Variants in PYGO1 observed in about 807,000 individuals in gnomAD.
PYGO1 encodes the protein pygopus family PHD finger 1, also known as pygopus homolog 1.
In PYGO1, 6 loss-of-function variants were observed where a neutral mutation model predicts 29.5. That is an observed-to-expected ratio of 0.20 (90% CI 0.11 to 0.40). The LOEUF is 0.40. Among genes scored for constraint, PYGO1 ranks in the 10% least tolerant of loss-of-function variants. The probability of loss-of-function intolerance (pLI) is 1.00; values close to 1 mark genes in which losing one functional copy is unlikely to be tolerated. For synonymous variants in PYGO1, 186 were observed against 180.5 expected (o/e 1.03, Z -0.24); for missense variants, 515 against 514.9 (o/e 1.00, Z 0.00).
intron 1 of PYGO1, among the ~76,000 whole-genome samples, chr15:55,575,823 T>C (rs537809529): frequency 2.0e-5 from 3 of 152,178 alleles, no homozygotes; most frequent in Admixed American, 6.5e-5. Context: ...CCCAGAGGTA[T>C]TAATACCAGC....
rs764284876 is a variant in PYGO1 at position 55,546,273 on chromosome 15, G to A, written c.1010C>T (p.Ser337Phe). ...LHPNRHGHSS[S>F]DPVYPCGICT... ...AATTCCACAAGGATACACTGGGTCAGAAGACGAATGGCCATGACGGTTTGG... is the reference window on the plus strand; with the variant it reads ...AATTCCACAAGGATACACTGGGTCAAAAGACGAATGGCCATGACGGTTTGG... Residue 337 changes from serine to phenylalanine, a missense_variant, in exon 3 of 3, where the codon TCT (serine) becomes TTT (phenylalanine). Coordinates refer to ENST00000563719, the MANE Select transcript of PYGO1 (RefSeq NM_001367806.1). 2 of 1,614,198 alleles carry A rather than the reference G, an allele frequency of 1.2e-6. No homozygotes were observed. The highest frequency in any genetic ancestry group is 1.7e-6 in the Non-Finnish European group (2 of 1,180,038).
chr15:55,582,216 A>AAAT (rs1416059119), intron 1 of PYGO1, among the ~76,000 whole-genome samples: 1 of 151,432 alleles, frequency 6.6e-6, no homozygotes, highest in Non-Finnish European at 1.5e-5. Context: ...CAAAAAAAAA[A>AAAT]AAAAAAAAAT....
chr15:55,563,478 T>C (rs190777547), intron 1 of PYGO1, among the ~76,000 whole-genome samples: 7 of 151,666 alleles, frequency 4.6e-5, no homozygotes, highest in Admixed American at 1.3e-4. Flanking sequence ...GTGATTCTCC[T>C]GCCTTAGCCT....
At chr15:55,576,296 AAT>A (rs1388663006) in intron 1 of PYGO1, among the ~76,000 whole-genome samples, 4 of 149,070 alleles carry the variant, frequency 2.7e-5, no homozygotes, top group African/African-American at 1.0e-4. Context: ...CTCTACTAAA[AAT>A]ACAAAAAATT....
chr15:55,582,904 C>T (rs1362043314), intron 1 of PYGO1, among the ~76,000 whole-genome samples: 3 of 152,116 alleles, frequency 2.0e-5, no homozygotes, highest in Non-Finnish European at 4.4e-5. Context: ...AATCCAAATC[C>T]TCTATATTCA....
chr15:55,551,984 T>G (rs745528301), intron 1 of PYGO1, among the ~76,000 whole-genome samples: 1 of 151,978 alleles, frequency 6.6e-6, no homozygotes, highest in South Asian at 2.1e-4. Flanking sequence ...AAGAGAAATA[T>G]ACATGATCAT....
intron 1 of PYGO1, among the ~76,000 whole-genome samples, chr15:55,565,851 G>A (rs141422032): frequency 2.0e-4 from 30 of 152,248 alleles, no homozygotes; most frequent in African/African-American, 6.0e-4. Context: ...GGCACATGTT[G>A]GTTCACTGCA....
intron 1 of PYGO1, among the ~76,000 whole-genome samples, chr15:55,576,806 C>T (rs1161056709): frequency 5.1e-5 from 7 of 138,192 alleles, no homozygotes; most frequent in Non-Finnish European, 1.5e-5. Context: ...AGTCTTGTTC[C>T]ATCATCTTAA....
chr15:55,567,112 A>G (rs1291732325), intron 1 of PYGO1, among the ~76,000 whole-genome samples: 2 of 142,106 alleles, frequency 1.4e-5, no homozygotes, highest in Non-Finnish European at 3.0e-5. Context: ...CATTTCTCTG[A>G]TTAGTGATGA....
chr15:55,585,755 G>A (rs1403099595), intron 1 of PYGO1, among the ~76,000 whole-genome samples: 1 of 152,036 alleles, frequency 6.6e-6, no homozygotes, highest in Non-Finnish European at 1.5e-5. Flanking sequence ...AATTTGATTA[G>A]GACTGATAAT....
In PYGO1 at chr15:55,546,751, G is replaced by T; in HGVS notation, c.532C>A (p.Gln178Lys). 3 of 1,614,056 alleles carry T rather than the reference G, an allele frequency of 1.9e-6. No individual in the cohort carries two copies. The highest frequency in any genetic ancestry group is 2.5e-6 in the Non-Finnish European group (3 of 1,179,940). The stretch of plus-strand genomic sequence containing the variant: ...TGACTGAAATTTTCAGCAGGATTTT[G>T]TCTAAAATGTTGATTAGGCATGTTG... ...NVNMPNQHFR[Q>K]NPAENFSQIP... Residue 178 changes from glutamine to lysine, a missense_variant, in exon 3 of 3, where the codon CAA becomes AAA. Gln to Lys is a moderately conservative substitution (Grantham distance 53). Coordinates refer to ENST00000563719, the MANE Select transcript of PYGO1 (RefSeq NM_001367806.1).
intron 1 of PYGO1, among the ~76,000 whole-genome samples, chr15:55,585,324 A>G (rs1262986502): frequency 1.3e-5 from 2 of 152,220 alleles, no homozygotes; most frequent in Non-Finnish European, 2.9e-5. Context: ...ACATCAGCAG[A>G]TGGGAAACAG....
At chr15:55,576,896 T>C (rs2141674045) in intron 1 of PYGO1, among the ~76,000 whole-genome samples, 1 of 151,632 alleles carries the variant, frequency 6.6e-6, no homozygotes, top group South Asian at 2.1e-4. Context: ...GAAAGTAAAA[T>C]AAACCTTAGA....
At position 55,545,887 on chromosome 15, in the gene PYGO1, GAAGT is replaced by G; in HGVS notation, c.*132_*135del. On this transcript the variant is annotated 3_prime_UTR_variant, in exon 3 of 3. Transcript: ENST00000563719. ...ACAATAAAAAATTTGCTCTAGTGAT[GAAGT>G]GATTAATAAAAACTAAGTAAATAAT... is the stretch of plus-strand genomic sequence containing the variant. 1 of 1,009,668 alleles carries G rather than the reference GAAGT, an allele frequency of 9.9e-7. No individual in the cohort carries two copies. The highest frequency in any genetic ancestry group is 1.6e-5 in the African/African-American group (1 of 61,338). 62.5% of individuals were successfully genotyped at this position (1,009,668 alleles called of 1,614,324 possible). A position where few individuals can be genotyped will look rare whatever the true frequency, so the allele number is the denominator to read the frequency against.
At chr15:55,552,333 C>T (rs1037194421) in intron 1 of PYGO1, among the ~76,000 whole-genome samples, 1 of 141,274 alleles carries the variant, frequency 7.1e-6, no homozygotes, top group African/African-American at 2.7e-5. Flanking sequence ...TGCACTCCAG[C>T]CTGGGCAAAA....
intron 1 of PYGO1, among the ~76,000 whole-genome samples, chr15:55,551,519 G>A (rs559225473): frequency 6.6e-5 from 10 of 152,250 alleles, no homozygotes; most frequent in East Asian, 3.9e-4. Flanking sequence ...AGATGTGGCC[G>A]AGTGTGGTGG....
At chr15:55,576,500 G>T (rs1376503062) in intron 1 of PYGO1, among the ~76,000 whole-genome samples, 1 of 146,402 alleles carries the variant, frequency 6.8e-6, no homozygotes, top group Non-Finnish European at 1.5e-5. Context: ...GCCGGGCATG[G>T]TGGCTCATGC....
intron 1 of PYGO1, among the ~76,000 whole-genome samples, chr15:55,552,347 C>T (rs1159860875): frequency 8.6e-6 from 1 of 116,880 alleles, no homozygotes; most frequent in Admixed American, 1.1e-4. Flanking sequence ...GGCAAAAGAG[C>T]GAGACTCTGT....
chr15:55,578,258 C>T (rs576103092), intron 1 of PYGO1, among the ~76,000 whole-genome samples: 39 of 151,990 alleles, frequency 2.6e-4, no homozygotes, highest in Admixed American at 1.8e-3. Flanking sequence ...ATGGACATTT[C>T]GGTTATTTCC....
Sources: allele counts gnomAD v4.1 joint callset (sites outside exome capture counted in the v4.1 genomes callset), GRCh38; gene constraint gnomAD v4.1.1; transcripts MANE v1.5; gene names NCBI Gene and HGNC (gene_info 2026-07-23, HGNC 2026-07-21).